The following CBLB variants were observed in gnomAD, a reference collection of about 807,000 sequenced individuals.
CBLB encodes the protein E3 ubiquitin-protein ligase CBL-B.
A neutral mutation model predicts 104.9 loss-of-function variants in CBLB; 31 were observed. The observed-to-expected ratio is 0.30, with a 90% CI of 0.22 to 0.40. The LOEUF is 0.40. Among genes scored for constraint, CBLB ranks in the 10% least tolerant of loss-of-function variants. The pLI, the probability that CBLB is intolerant of heterozygous loss-of-function variation, is 1.00. For synonymous variants in CBLB, 440 were observed against 422.6 expected (o/e 1.04, Z -0.51); for missense variants, 1,062 against 1,214.6 (o/e 0.87, Z 1.87).
chr3:105,778,251 G>T, intron 3 of CBLB, among the ~76,000 whole-genome samples: 1 of 152,228 alleles, frequency 6.6e-6, no homozygotes, highest in Admixed American at 6.5e-5. Context: ...AAACCATACA[G>T]TGTATCAACA....
intron 3 of CBLB, among the ~76,000 whole-genome samples, chr3:105,850,364 A>G (rs1321546873): frequency 6.6e-6 from 1 of 152,074 alleles, no homozygotes; most frequent in African/African-American, 2.4e-5. Flanking sequence ...TTACAACCCT[A>G]TGAGGCCAGT....
At chr3:105,757,683 T>C (rs1351384049) in intron 4 of CBLB, among the ~76,000 whole-genome samples, 1 of 152,160 alleles carries the variant, frequency 6.6e-6, no homozygotes, top group East Asian at 1.9e-4. Context: ...AAAAATCAGA[T>C]ACATGGGAAT....
At chr3:105,772,720 A>T (rs2079005038) in intron 4 of CBLB, among the ~76,000 whole-genome samples, 1 of 152,174 alleles carries the variant, frequency 6.6e-6, no homozygotes, top group Non-Finnish European at 1.5e-5. Context: ...ATGAATAGAC[A>T]TTTCTCAAAA....
intron 3 of CBLB, among the ~76,000 whole-genome samples, chr3:105,823,708 G>A (rs1407804908): frequency 1.3e-5 from 2 of 152,234 alleles, no homozygotes; most frequent in African/African-American, 4.8e-5. Context: ...TTGAAAAAGA[G>A]GAGGCTTTTC....
chr3:105,749,973 G>A (rs1008518604), intron 5 of CBLB, among the ~76,000 whole-genome samples: 3 of 151,464 alleles, frequency 2.0e-5, no homozygotes, highest in African/African-American at 7.3e-5. Flanking sequence ...TATATAGAAG[G>A]TAGAATTATG....
Position 105,851,679 on chromosome 3 carries a change from G to C in CBLB, c.419+1735C>G, listed in dbSNP as rs567121821. Among the ~76,000 whole-genome samples the C allele has an allele frequency of 3.3e-5, 5 of 152,286 alleles. No homozygotes were observed. The East Asian group carries it at 9.6e-4, about 29-fold the overall frequency. On this transcript the variant is annotated intron_variant, in intron 3 of 18. Transcript: ENST00000394030. Reference sequence around the variant, plus strand: ...TTTCCTGTAAACCTAAAATGACTCTGAAAATGAAGTCTATTAAAACATTGA... The same window carrying C: ...TTTCCTGTAAACCTAAAATGACTCTCAAAATGAAGTCTATTAAAACATTGA...
In CBLB at chr3:105,867,551, G is replaced by C. The variant is rs1314392853; in HGVS notation, c.27C>G (p.Asn9Lys). The C allele has an allele frequency of 5.6e-6, 9 of 1,614,024 alleles. No homozygotes were observed. Among genetic ancestry groups the C allele is most frequent in the Non-Finnish European group, 7.6e-6 (9 of 1,180,004 alleles). Residue 9 changes from asparagine (N) to lysine (K), a missense_variant, in exon 2 of 19, where the codon AAC (asparagine) becomes AAG (lysine). Coordinates refer to ENST00000394030, the MANE Select transcript of CBLB (RefSeq NM_170662.5). MANSMNGR[N>K]PGGRGGNPRK... is the part of the protein sequence containing the mutation. ...GGGGATTTCCTCCTCGACCACCAGGGTTTCTGCCATTCATTGAGTTTGCCA... is the reference window on the plus strand; with the variant it reads ...GGGGATTTCCTCCTCGACCACCAGGCTTTCTGCCATTCATTGAGTTTGCCA...
intron 17 of CBLB, 125 bp downstream of exon 17, chr3:105,678,306 C>G (rs1003293044): frequency 4.3e-6 from 4 of 920,204 alleles, no homozygotes; most frequent in South Asian, 1.4e-5. Context: ...ACTTTTACCA[C>G]CCAGGGATTT....
chr3:105,841,642 A>T (rs1313697114), intron 3 of CBLB, among the ~76,000 whole-genome samples: 2 of 151,628 alleles, frequency 1.3e-5, no homozygotes, highest in Non-Finnish European at 2.9e-5. Flanking sequence ...TTTATTACAG[A>T]CAGGGTTTCA....
At chr3:105,679,918 T>C (rs971286009) in intron 16 of CBLB, among the ~76,000 whole-genome samples, 1 of 152,226 alleles carries the variant, frequency 6.6e-6, no homozygotes, top group African/African-American at 2.4e-5. Context: ...AGCTATTTCC[T>C]ACATTATCAT....
At position 105,784,349 on chromosome 3, in the gene CBLB, C is replaced by T. The variant is rs140599062; in HGVS notation, c.420-7807G>A. On this transcript the variant is annotated intron_variant, in intron 3 of 18. Coordinates refer to ENST00000394030, the MANE Select transcript of CBLB (RefSeq NM_170662.5). ...TGCTATGAGATTCATACAGAAGTAA[C>T]CAGAACATAGCAGAACTTTTTCTTT... Among the ~76,000 whole-genome samples, 813 of 152,152 alleles carry T rather than the reference C, an allele frequency of 5.3e-3. 7 individuals carry two copies. The highest frequency in any genetic ancestry group is 0.018 in the African/African-American group (766 of 41,518).
rs539110870 is a variant in CBLB at position 105,679,726 on chromosome 3, C to A, written c.2429-1155G>T. Among the ~76,000 whole-genome samples, 6 of 151,034 alleles carry A rather than the reference C, an allele frequency of 4.0e-5. No individual in the cohort carries two copies. In the South Asian group the frequency reaches 1.0e-3, roughly 26 times the overall value. ...AGGAGGCGGAGGCTGCAGTGAGCCACGATCGTGCCATTGCACTCCAGCCTG... is the reference window on the plus strand; with the variant it reads ...AGGAGGCGGAGGCTGCAGTGAGCCAAGATCGTGCCATTGCACTCCAGCCTG... On this transcript the variant is annotated intron_variant, in intron 16 of 18. Coordinates refer to ENST00000394030, the MANE Select transcript of CBLB (RefSeq NM_170662.5).
At chr3:105,751,161 G>C (rs2076553743) in intron 5 of CBLB, among the ~76,000 whole-genome samples, 3 of 152,138 alleles carry the variant, frequency 2.0e-5, no homozygotes, top group African/African-American at 7.2e-5. Context: ...ACAAAATAAA[G>C]TAAGAAACTA....
At chr3:105,711,854 T>C (rs2071151679) in intron 10 of CBLB, among the ~76,000 whole-genome samples, 1 of 152,146 alleles carries the variant, frequency 6.6e-6, no homozygotes, top group Non-Finnish European at 1.5e-5. Context: ...AATTACTGTC[T>C]ATGTTCCACT....
In CBLB at chr3:105,702,087, T is replaced by G; in HGVS notation, c.1959+7A>C. ...ATTCTCTAGCTTCTGCTTTGCGTAT[T>G]TCTTACCTTAGCTCCTTCTAAAGGC... is the stretch of plus-strand genomic sequence containing the variant. On this transcript the variant is annotated splice_region_variant and intron_variant, in intron 12 of 18. Coordinates refer to ENST00000394030, the MANE Select transcript of CBLB (RefSeq NM_170662.5). 6.2e-7 allele frequency: 1 copy of G among 1,614,092 alleles called. No individual in the cohort carries two copies. Among genetic ancestry groups the G allele is most frequent in the Non-Finnish European group, 8.5e-7 (1 of 1,180,004 alleles).
intron 1 of CBLB, 90 bp from the exon 2 acceptor site, chr3:105,867,681 A>T: frequency 2.8e-6 from 3 of 1,089,824 alleles, no homozygotes; most frequent in Non-Finnish European, 4.1e-6. Flanking sequence ...GTACCACTGC[A>T]TCTTCCTCCA....
At chr3:105,727,705 G>C (rs1238260735) in intron 9 of CBLB, among the ~76,000 whole-genome samples, 1 of 152,152 alleles carries the variant, frequency 6.6e-6, no homozygotes, top group African/African-American at 2.4e-5. Flanking sequence ...AATCCGTCTT[G>C]AGTTAATTTT....
chr3:105,724,651 G>GT (rs1408596814), intron 9 of CBLB, among the ~76,000 whole-genome samples: 1 of 152,006 alleles, frequency 6.6e-6, no homozygotes, highest in Non-Finnish European at 1.5e-5. Flanking sequence ...GAAAAAACTC[G>GT]TATCTCTATA....
chr3:105,790,353 T>C (rs1228137289), intron 3 of CBLB, among the ~76,000 whole-genome samples: 1 of 152,250 alleles, frequency 6.6e-6, no homozygotes. Flanking sequence ...ATCTTACTCA[T>C]GTCACAGCTT....
Sources: allele counts gnomAD v4.1 joint callset (sites outside exome capture counted in the v4.1 genomes callset), GRCh38; gene constraint gnomAD v4.1.1; transcripts MANE v1.5; gene names NCBI Gene and HGNC (gene_info 2026-07-23, HGNC 2026-07-21).